NTM: variants seen among roughly 807,000 people sequenced by gnomAD.
NTM encodes the protein IgLON family member 2.
A neutral mutation model predicts 42.1 loss-of-function variants in NTM; 13 were observed. The observed-to-expected ratio is 0.31, with a 90% CI of 0.20 to 0.49. NTM has a LOEUF of 0.49. Ranked by LOEUF, NTM falls within the 20% of genes least tolerant of loss-of-function variation. The pLI, the probability that NTM is intolerant of heterozygous loss-of-function variation, is 0.99. For missense variants in NTM, 373 were observed against 452.8 expected, an observed-to-expected ratio of 0.82 and a Z score of 1.60; for synonymous variants, 187 against 179.2, an observed-to-expected ratio of 1.04 and a Z score of -0.35.
chr11:131,442,353 TAGCAGCAGC>T (rs559541612), intron 1 of NTM, among the ~76,000 whole-genome samples: 2 of 152,162 alleles, frequency 1.3e-5, no homozygotes, highest in African/African-American at 2.4e-5. Flanking sequence ...ATGACAGCAA[TAGCAGCAGC>T]AGCAGCAGCA....
At chr11:132,083,535 T>C (rs2059344922) in intron 2 of NTM, among the ~76,000 whole-genome samples, 1 of 152,222 alleles carries the variant, frequency 6.6e-6, no homozygotes, top group Admixed American at 6.5e-5. Flanking sequence ...TCCTCTCTTC[T>C]TGAAGTCACA....
At chr11:132,249,103 G>A (rs1385415064) in intron 4 of NTM, among the ~76,000 whole-genome samples, 1 of 152,198 alleles carries the variant, frequency 6.6e-6, no homozygotes, top group Non-Finnish European at 1.5e-5. Context: ...ACCTCTGAAA[G>A]TGATTTTGGC....
chr11:131,371,038 C>T (rs1254265230), intron 1 of NTM, 150 bp downstream of exon 1: 9 of 1,463,592 alleles, frequency 6.1e-6, no homozygotes, highest in Non-Finnish European at 8.1e-6. Context: ...CTTCATTCTC[C>T]CGACTAGGCT....
intron 2 of NTM, among the ~76,000 whole-genome samples, chr11:132,114,033 G>C (rs2063563532): frequency 6.6e-6 from 1 of 152,104 alleles, no homozygotes; most frequent in South Asian, 2.1e-4. Context: ...ATATTGTACA[G>C]TTGAACTTAT....
chr11:132,136,926 C>T (rs2068041765), intron 2 of NTM, among the ~76,000 whole-genome samples: 1 of 152,188 alleles, frequency 6.6e-6, no homozygotes, highest in Non-Finnish European at 1.5e-5. Context: ...GCCAGTGCAT[C>T]TCCTTCATAG....
At chr11:131,514,682 A>G (rs2048672966) in intron 1 of NTM, among the ~76,000 whole-genome samples, 1 of 151,926 alleles carries the variant, frequency 6.6e-6, no homozygotes, top group South Asian at 2.1e-4. Flanking sequence ...AGGCTCAAGC[A>G]ATCCTCCCAC....
chr11:131,809,208 A>G (rs557860133), intron 1 of NTM, among the ~76,000 whole-genome samples: 2 of 152,220 alleles, frequency 1.3e-5, no homozygotes, highest in South Asian at 4.1e-4. Context: ...GATTTCTACA[A>G]AAGTCTTTGA....
chr11:131,490,053 G>A (rs1488860595), intron 1 of NTM, among the ~76,000 whole-genome samples: 1 of 152,212 alleles, frequency 6.6e-6, no homozygotes, highest in Non-Finnish European at 1.5e-5. Flanking sequence ...GAGAGAGGAA[G>A]CAAGGGTTGG....
intron 1 of NTM, chr11:131,771,701 C>G (rs1165912727): frequency 1.3e-5 from 2 of 152,282 alleles, no homozygotes; most frequent in Non-Finnish European, 2.9e-5. Context: ...CTCCTCCTCT[C>G]TCCTGTGGAA....
intron 4 of NTM, among the ~76,000 whole-genome samples, chr11:132,293,435 A>G (rs973628891): frequency 4.6e-5 from 7 of 152,202 alleles, no homozygotes; most frequent in African/African-American, 1.7e-4. Context: ...CAAGAATTGG[A>G]TGCTGTCAGG....
chr11:132,213,106 T>C (rs923810825), intron 4 of NTM, among the ~76,000 whole-genome samples: 3 of 152,162 alleles, frequency 2.0e-5, no homozygotes, highest in Non-Finnish European at 4.4e-5. Context: ...GGTCCTTAAT[T>C]GTGTTGCTTA....
chr11:132,286,034 A>C (rs2094216920), intron 4 of NTM, among the ~76,000 whole-genome samples: 1 of 152,116 alleles, frequency 6.6e-6, no homozygotes, highest in Admixed American at 6.5e-5. Context: ...CTATCACCCC[A>C]AGCACTTGGC....
Position 132,146,345 on chromosome 11 carries a change from T to G in NTM, c.231T>G (p.Ala77=). ...AWLNRSTILY[A]GNDKWCLDPR... The stretch of plus-strand genomic sequence containing the variant: ...TAAACCGCAGCACCATCCTCTATGC[T>G]GGGAATGACAAGTGGTGCCTGGATC... Residue 77 remains alanine (A), a synonymous_variant, in exon 3 of 9, where the codon GCT becomes GCG. Transcript: ENST00000683400. The surrounding 1 kb of genome is among the most constrained non-coding windows in gnomAD (Gnocchi z 4.5). 1 of 1,614,172 alleles carries G rather than the reference T, an allele frequency of 6.2e-7. No individual in the cohort carries two copies. Among genetic ancestry groups the G allele is most frequent in the Non-Finnish European group, 8.5e-7 (1 of 1,180,034 alleles).
chr11:131,940,701 T>A lies in NTM; in HGVS notation c.167+29053T>A, dbSNP rs1194334534. Reference sequence around the variant, plus strand: ...ACTGTCTTTTATCTGAATCTAGGTTTATGGAATATTTGAATATCTGATACC... The same window carrying A: ...ACTGTCTTTTATCTGAATCTAGGTTAATGGAATATTTGAATATCTGATACC... On this transcript the variant is annotated intron_variant, in intron 2 of 8. Coordinates refer to ENST00000683400, the MANE Select transcript of NTM (RefSeq NM_001352005.2). Among the ~76,000 whole-genome samples, 3 of 152,230 alleles carry A rather than the reference T, an allele frequency of 2.0e-5. No individual in the cohort carries two copies. In the South Asian group the frequency reaches 6.2e-4, roughly 32 times the overall value.
intron 2 of NTM, among the ~76,000 whole-genome samples, chr11:131,942,459 G>T (rs889839341): frequency 5.3e-5 from 8 of 152,146 alleles, no homozygotes; most frequent in African/African-American, 1.9e-4. Flanking sequence ...ACCTAGAACT[G>T]CCATGATTTC....
intron 2 of NTM, among the ~76,000 whole-genome samples, chr11:132,043,461 C>G (rs926097601): frequency 3.3e-5 from 5 of 152,200 alleles, no homozygotes; most frequent in Non-Finnish European, 5.9e-5. Context: ...CTTCCTGCAT[C>G]CTCTGTCACT....
intron 1 of NTM, among the ~76,000 whole-genome samples, chr11:131,430,250 G>A (rs1948544624): frequency 6.6e-6 from 1 of 152,200 alleles, no homozygotes; most frequent in South Asian, 2.1e-4. Flanking sequence ...AACCATGTGT[G>A]AAGGCATAGG....
At chr11:132,188,280 C>T (rs61906017) in intron 3 of NTM, among the ~76,000 whole-genome samples, 1,840 of 152,238 alleles carry the variant, frequency 0.012, 19 homozygotes, top group East Asian at 0.029. Flanking sequence ...CCGGACTAAC[C>T]CAAACGCCTC....
chr11:131,830,412 T>G (rs1260503489), intron 1 of NTM, among the ~76,000 whole-genome samples: 1 of 152,204 alleles, frequency 6.6e-6, no homozygotes. Flanking sequence ...CAACATGATT[T>G]ATTAATAGTG....
Sources: allele counts gnomAD v4.1 joint callset (sites outside exome capture counted in the v4.1 genomes callset), GRCh38; gene constraint gnomAD v4.1.1; non-coding constraint Gnocchi (gnomAD v3.1); transcripts MANE v1.5; gene names NCBI Gene and HGNC (gene_info 2026-07-23, HGNC 2026-07-21).